The following ZNF385D variants were observed in gnomAD, a reference collection of about 807,000 sequenced individuals.
ZNF385D encodes zinc finger protein 385D, also known as zinc finger protein 659.
In ZNF385D, 15 loss-of-function variants were observed where a neutral mutation model predicts 35.8. The ratio of observed to expected loss-of-function variants is 0.42; its 90% CI spans 0.28 to 0.64. The LOEUF (loss-of-function observed/expected upper bound fraction) is 0.64, where lower values mean the gene tolerates loss of function less well. Ranked by LOEUF, ZNF385D falls within the 30% of genes least tolerant of loss-of-function variation. ZNF385D has a pLI of 0.23. For missense variants in ZNF385D, 474 were observed against 494.6 expected, an observed-to-expected ratio of 0.96 and a Z score of 0.39; for synonymous variants, 212 against 186.8, an observed-to-expected ratio of 1.13 and a Z score of -1.10.
intron 2 of ZNF385D, among the ~76,000 whole-genome samples, chr3:22,199,789 C>T (rs1014695227): frequency 6.6e-6 from 1 of 151,814 alleles, no homozygotes; most frequent in South Asian, 2.1e-4. Flanking sequence ...GAATTAATAC[C>T]CAGTCAACAA....
intron 2 of ZNF385D, among the ~76,000 whole-genome samples, chr3:22,205,149 C>G (rs1287913641): frequency 1.3e-5 from 2 of 151,900 alleles, no homozygotes; most frequent in African/African-American, 4.8e-5. Flanking sequence ...TCCAATGAAG[C>G]TCCAAAATAT....
chr3:22,035,140 A>G (rs1698238475), intron 3 of ZNF385D, among the ~76,000 whole-genome samples: 1 of 152,184 alleles, frequency 6.6e-6, no homozygotes, highest in South Asian at 2.1e-4. Context: ...GTGAACATAA[A>G]ATGTTCTGGA....
intron 2 of ZNF385D, among the ~76,000 whole-genome samples, chr3:21,584,459 AC>A (rs1031948269): frequency 4.6e-5 from 7 of 152,104 alleles, no homozygotes; most frequent in Admixed American, 6.5e-5. Flanking sequence ...ACAGAATTAG[AC>A]TTCTTTTTTA....
intron 3 of ZNF385D, among the ~76,000 whole-genome samples, chr3:22,027,430 G>A (rs1003336304): frequency 6.6e-6 from 1 of 152,170 alleles, no homozygotes; most frequent in African/African-American, 2.4e-5. Flanking sequence ...TGACAGATAG[G>A]GATGCTGTTT....
At chr3:21,833,478 T>A (rs1273311069) in intron 3 of ZNF385D, among the ~76,000 whole-genome samples, 1 of 152,128 alleles carries the variant, frequency 6.6e-6, no homozygotes, top group Non-Finnish European at 1.5e-5. Flanking sequence ...CCAAAAATTG[T>A]CAACAGTCAT....
Position 22,308,437 on chromosome 3 carries a change from T to C in ZNF385D, c.106+64013A>G, listed in dbSNP as rs570417127. Among the ~76,000 whole-genome samples, 557 of 152,178 alleles carry C rather than the reference T, an allele frequency of 3.7e-3. 4 individuals are homozygous for C. The highest frequency in any genetic ancestry group is 0.011 in the African/African-American group (473 of 41,546). ...TATAAGAACAATAAAACCTGCCTTTTTTTTCTTTTTTGAGAAAGTGAAAGA... is the reference window on the plus strand; with the variant it reads ...TATAAGAACAATAAAACCTGCCTTTCTTTTCTTTTTTGAGAAAGTGAAAGA... On this transcript the variant is annotated intron_variant, in intron 2 of 5. Transcript: ENST00000494108.
At chr3:21,758,477 C>T (rs1001715669) in intron 3 of ZNF385D, among the ~76,000 whole-genome samples, 1 of 152,106 alleles carries the variant, frequency 6.6e-6, no homozygotes, top group African/African-American at 2.4e-5. Flanking sequence ...CAGCTAGGAA[C>T]CAGAGGGCCA....
chr3:21,921,274 A>G (rs1324035098), intron 3 of ZNF385D, among the ~76,000 whole-genome samples: 2 of 151,278 alleles, frequency 1.3e-5, no homozygotes, highest in Non-Finnish European at 2.9e-5. Context: ...AATAAATGGC[A>G]TATTTAACCA....
At chr3:22,324,944 C>G (rs923226959) in intron 2 of ZNF385D, among the ~76,000 whole-genome samples, 2 of 152,122 alleles carry the variant, frequency 1.3e-5, no homozygotes, top group African/African-American at 2.4e-5. Context: ...TCTGTATGAC[C>G]TTGAGCAAGA....
chr3:22,277,139 A>C (rs1436891703), intron 2 of ZNF385D, among the ~76,000 whole-genome samples: 2 of 152,096 alleles, frequency 1.3e-5, no homozygotes, highest in Non-Finnish European at 2.9e-5. Context: ...TAACTTAATA[A>C]CTCCCAAAAG....
intron 3 of ZNF385D, among the ~76,000 whole-genome samples, chr3:22,076,530 A>G (rs1261924920): frequency 6.6e-6 from 1 of 151,932 alleles, no homozygotes; most frequent in East Asian, 1.9e-4. Context: ...TTATGCTATA[A>G]CACAGTCTCT....
intron 2 of ZNF385D, among the ~76,000 whole-genome samples, chr3:22,193,078 ACT>A (rs1696168967): frequency 6.6e-6 from 1 of 152,064 alleles, no homozygotes; most frequent in Non-Finnish European, 1.5e-5. Flanking sequence ...CGTTTATAAC[ACT>A]CTTCATTCAA....
At chr3:21,805,716 C>A (rs916219834) in intron 3 of ZNF385D, among the ~76,000 whole-genome samples, 3 of 152,168 alleles carry the variant, frequency 2.0e-5, no homozygotes, top group Admixed American at 6.5e-5. Flanking sequence ...TATAGCAACA[C>A]TGACAAGACT....
chr3:21,605,282 G>T (rs2064443777), intron 2 of ZNF385D, among the ~76,000 whole-genome samples: 1 of 152,196 alleles, frequency 6.6e-6, no homozygotes, highest in African/African-American at 2.4e-5. Flanking sequence ...GATACCAAAA[G>T]AAAGGATTTG....
intron 3 of ZNF385D, among the ~76,000 whole-genome samples, chr3:22,031,250 C>A (rs1697981588): frequency 6.6e-6 from 1 of 152,234 alleles, no homozygotes; most frequent in Non-Finnish European, 1.5e-5. Context: ...GGCAGTGCCC[C>A]AGTAGGGATT....
intron 3 of ZNF385D, among the ~76,000 whole-genome samples, chr3:21,834,362 A>C (rs1419414905): frequency 6.6e-6 from 1 of 152,174 alleles, no homozygotes; most frequent in East Asian, 1.9e-4. Context: ...AATTTGACCA[A>C]GGAAACCATT....
chr3:21,691,692 T>C (rs889828759), intron 1 of ZNF385D, among the ~76,000 whole-genome samples: 15 of 152,224 alleles, frequency 9.9e-5, no homozygotes, highest in African/African-American at 3.1e-4. Flanking sequence ...ACATTCATTC[T>C]CACAATACTG....
chr3:22,095,315 T>C (rs947346297), intron 3 of ZNF385D, among the ~76,000 whole-genome samples: 1 of 152,034 alleles, frequency 6.6e-6, no homozygotes, highest in South Asian at 2.1e-4. Flanking sequence ...CTCTATCTTT[T>C]TTAAATTCTG....
intron 3 of ZNF385D, among the ~76,000 whole-genome samples, chr3:22,143,585 G>C (rs1002587909): frequency 2.0e-5 from 3 of 151,730 alleles, no homozygotes; most frequent in Non-Finnish European, 2.9e-5. Flanking sequence ...GAGATAACAC[G>C]ATATATATTT....
Sources: allele counts gnomAD v4.1 joint callset (sites outside exome capture counted in the v4.1 genomes callset), GRCh38; gene constraint gnomAD v4.1.1; transcripts MANE v1.5; gene names NCBI Gene and HGNC (gene_info 2026-07-23, HGNC 2026-07-21).